Variants in SHANK2 observed in about 807,000 individuals in gnomAD.
SHANK2 encodes the protein SH3 and multiple ankyrin repeat domains 2.
In SHANK2, 43 loss-of-function variants were observed where a neutral mutation model predicts 133.7. That is an observed-to-expected ratio of 0.32 (90% confidence interval 0.25 to 0.41). The LOEUF is 0.41. Ranked by LOEUF, SHANK2 falls within the 10% of genes least tolerant of loss-of-function variation. The pLI is 1.00. For missense variants in SHANK2, 1,994 were observed against 2,235.8 expected (o/e 0.89, Z 2.18); for synonymous variants, 1,017 against 952.8 (o/e 1.07, Z -1.24).
intron 8 of SHANK2, among the ~76,000 whole-genome samples, chr11:71,088,682 C>T (rs1477445125): frequency 5.5e-5 from 8 of 145,424 alleles, no homozygotes; most frequent in Non-Finnish European, 9.5e-5. Flanking sequence ...TCGTGGGTGA[C>T]TGCACCACCC....
chr11:70,776,781 T>C (rs1947373123), intron 14 of SHANK2, among the ~76,000 whole-genome samples: 1 of 150,686 alleles, frequency 6.6e-6, no homozygotes, highest in Non-Finnish European at 1.5e-5. Context: ...CAGCCACCCA[T>C]CCATTCACCC....
chr11:70,926,573 CA>C (rs1950430298), intron 10 of SHANK2, among the ~76,000 whole-genome samples: 2 of 152,188 alleles, frequency 1.3e-5, no homozygotes, highest in Admixed American at 6.5e-5. Flanking sequence ...AGCACTGCAG[CA>C]CTACGATAGG....
intron 17 of SHANK2, among the ~76,000 whole-genome samples, chr11:70,523,527 C>T (rs1281529200): frequency 1.3e-5 from 2 of 152,192 alleles, no homozygotes; most frequent in East Asian, 3.9e-4. Flanking sequence ...AGAGGCCCTG[C>T]TCTGCTGGGG....
At chr11:70,654,137 C>T (rs782294946) in intron 17 of SHANK2, 2 of 152,208 alleles carry the variant, frequency 1.3e-5, no homozygotes, top group African/African-American at 2.4e-5. Context: ...CAAGGGAAAA[C>T]CTATTTGCAG....
intron 14 of SHANK2, among the ~76,000 whole-genome samples, chr11:70,734,756 C>A (rs1946366211): frequency 6.6e-6 from 1 of 152,218 alleles, no homozygotes. Flanking sequence ...TGGGGACCAG[C>A]CAGTGTTACA....
intron 15 of SHANK2, among the ~76,000 whole-genome samples, chr11:70,687,920 C>T (rs987419103): frequency 2.8e-4 from 43 of 152,212 alleles, no homozygotes; most frequent in Non-Finnish European, 8.8e-5. Flanking sequence ...TCCACCCACT[C>T]GCCACCTGGG....
intron 21 of SHANK2, among the ~76,000 whole-genome samples, chr11:70,498,827 A>T (rs2059009122): frequency 6.6e-6 from 1 of 152,152 alleles, no homozygotes. Flanking sequence ...GAGAGGATCA[A>T]ATCCATGGTG....
At chr11:70,934,729 C>A (rs533321074) in intron 10 of SHANK2, among the ~76,000 whole-genome samples, 1 of 152,150 alleles carries the variant, frequency 6.6e-6, no homozygotes, top group African/African-American at 2.4e-5. Flanking sequence ...ATAGAAGAGG[C>A]GAATGGGAAC....
At chr11:71,234,835 A>T (rs1408436838) in intron 1 of SHANK2, among the ~76,000 whole-genome samples, 2 of 152,136 alleles carry the variant, frequency 1.3e-5, no homozygotes, top group African/African-American at 4.8e-5. Context: ...CCATGAACGG[A>T]GGGAGGAAAT....
chr11:70,664,673 T>C (rs1944645975), intron 15 of SHANK2, among the ~76,000 whole-genome samples: 1 of 152,222 alleles, frequency 6.6e-6, no homozygotes, highest in Non-Finnish European at 1.5e-5. Flanking sequence ...ATCTCCAAGA[T>C]GACCCAGACC....
At chr11:71,220,858 G>A (rs1313978879) in intron 2 of SHANK2, among the ~76,000 whole-genome samples, 1 of 152,160 alleles carries the variant, frequency 6.6e-6, no homozygotes, top group Non-Finnish European at 1.5e-5. Context: ...GGCGATGGTT[G>A]CACAGCCACA....
chr11:70,538,544 C>T (rs1210928999), intron 17 of SHANK2, among the ~76,000 whole-genome samples: 1 of 152,242 alleles, frequency 6.6e-6, no homozygotes, highest in Non-Finnish European at 1.5e-5. Flanking sequence ...CATGCAGTGT[C>T]CTGGCCCTTG....
At chr11:70,931,176 G>A (rs1950499365) in intron 10 of SHANK2, among the ~76,000 whole-genome samples, 1 of 152,208 alleles carries the variant, frequency 6.6e-6, no homozygotes, top group Non-Finnish European at 1.5e-5. Context: ...CAAATCCATA[G>A]TGACAGAAAG....
chr11:71,247,483 T>TA (rs1555125159), intron 1 of SHANK2, among the ~76,000 whole-genome samples: 12 of 149,568 alleles, frequency 8.0e-5, no homozygotes, highest in African/African-American at 2.0e-4. Flanking sequence ...GCTGTTTTTT[T>TA]TAAAAAAAAC....
chr11:71,228,946 T>A (rs560313812), intron 1 of SHANK2, among the ~76,000 whole-genome samples: 11 of 152,240 alleles, frequency 7.2e-5, no homozygotes, highest in African/African-American at 2.4e-4. Context: ...TTTCAATATT[T>A]TTTAAAAAAA....
intron 10 of SHANK2, among the ~76,000 whole-genome samples, chr11:70,910,670 G>A (rs1449269632): frequency 1.3e-5 from 2 of 152,144 alleles, no homozygotes; most frequent in African/African-American, 4.8e-5. Context: ...AGCCGGGCAT[G>A]GTGGTGGACA....
At chr11:71,212,222 T>G (rs375700309) in intron 2 of SHANK2, among the ~76,000 whole-genome samples, 30 of 152,298 alleles carry the variant, frequency 2.0e-4, no homozygotes, top group African/African-American at 6.0e-4. Context: ...TCTCTTATGC[T>G]ACAGTTGGGT....
chr11:70,731,157 C>T (rs1555032078), intron 14 of SHANK2, among the ~76,000 whole-genome samples: 1 of 152,078 alleles, frequency 6.6e-6, no homozygotes, highest in East Asian at 1.9e-4. Context: ...GATTAGAGTC[C>T]TTATAAGAAG....
intron 17 of SHANK2, among the ~76,000 whole-genome samples, chr11:70,636,760 ATGTGTGTGAGCATC>A (rs1348800006): frequency 3.3e-5 from 5 of 149,936 alleles, no homozygotes; most frequent in African/African-American, 5.0e-5. Context: ...GTGTGTGAGC[ATGTGTGTGAGCATC>A]TGTGTGAGCA....
Sources: allele counts gnomAD v4.1 joint callset (sites outside exome capture counted in the v4.1 genomes callset), GRCh38; gene constraint gnomAD v4.1.1; transcripts MANE v1.5; gene names NCBI Gene and HGNC (gene_info 2026-07-23, HGNC 2026-07-21).